The following FTO variants were observed in gnomAD, a reference collection of about 807,000 sequenced individuals.
FTO encodes the protein alpha-ketoglutarate-dependent dioxygenase FTO.
A neutral mutation model predicts 63.9 loss-of-function variants in FTO; 47 were observed. The observed-to-expected ratio is 0.74, with a 90% CI of 0.58 to 0.94. FTO has a LOEUF of 0.94. Among genes scored for constraint, FTO ranks in the 40% least tolerant of loss-of-function variants. The pLI, the probability that FTO is intolerant of heterozygous loss-of-function variation, is 0.00. For missense variants in FTO, 562 were observed against 618.1 expected (o/e 0.91, Z 0.96); for synonymous variants, 207 against 224.4 (o/e 0.92, Z 0.69).
At chr16:53,861,116 A>T (rs760150278) in intron 4 of FTO, among the ~76,000 whole-genome samples, 52 of 152,318 alleles carry the variant, frequency 3.4e-4, no homozygotes, top group Non-Finnish European at 4.9e-4. Context: ...GATATTATAT[A>T]TATTGCTACA....
intron 6 of FTO, among the ~76,000 whole-genome samples, chr16:53,883,488 G>T (rs1411121692): frequency 1.3e-5 from 2 of 152,040 alleles, no homozygotes; most frequent in African/African-American, 4.8e-5. Context: ...CAGGTGTGGT[G>T]GCGGGCGCCT....
rs773334047 is a variant in FTO at position 53,934,026 on chromosome 16, C to T, written c.1281C>T (p.Pro427=). 2 of 1,613,946 alleles carry T rather than the reference C, an allele frequency of 1.2e-6. No homozygotes were observed. Among genetic ancestry groups the T allele is most frequent in the East Asian group, 2.2e-5 (1 of 44,876 alleles). The part of the protein sequence containing the change: ...VLHEVKREGL[P]VEQRNEILTA... ...ATGAAGTTAAAAGAGAGGGGCTCCC[C>T]GTGGAACAAAGGAATGAAATCTTGA... The change falls in exon 8 of 9, where the codon CCC becomes CCT. Residue 427 remains proline (P), a synonymous_variant. Transcript: ENST00000471389.
At chr16:53,988,344 A>T (rs1048150327) in intron 8 of FTO, among the ~76,000 whole-genome samples, 16 of 152,198 alleles carry the variant, frequency 1.1e-4, no homozygotes, top group Non-Finnish European at 2.2e-4. Flanking sequence ...CCAAGACAAT[A>T]AGAAGCCAGG....
At chr16:53,740,392 A>G (rs2076505246) in intron 1 of FTO, among the ~76,000 whole-genome samples, 2 of 152,210 alleles carry the variant, frequency 1.3e-5, no homozygotes, top group Non-Finnish European at 2.9e-5. Context: ...AGAATTTTCT[A>G]ACTTGTATCT....
At chr16:53,745,537 A>G (rs1231860703) in intron 1 of FTO, among the ~76,000 whole-genome samples, 1 of 152,228 alleles carries the variant, frequency 6.6e-6, no homozygotes, top group Non-Finnish European at 1.5e-5. Flanking sequence ...AGAAATGTTT[A>G]TTGAGCACCT....
At chr16:53,834,722 C>T (rs1476063558) in intron 3 of FTO, among the ~76,000 whole-genome samples, 2 of 152,118 alleles carry the variant, frequency 1.3e-5, no homozygotes, top group Middle Eastern at 3.2e-3. Context: ...GGAGTTTTTA[C>T]ACCTTTTCTT....
chr16:53,944,224 C>T (rs1216276546), intron 8 of FTO, among the ~76,000 whole-genome samples: 1 of 152,284 alleles, frequency 6.6e-6, no homozygotes, highest in African/African-American at 2.4e-5. Flanking sequence ...AAATGTATTA[C>T]ACAATGTAGA....
At chr16:53,759,736 G>A (rs2077009184) in intron 1 of FTO, among the ~76,000 whole-genome samples, 1 of 150,706 alleles carries the variant, frequency 6.6e-6, no homozygotes, top group South Asian at 2.1e-4. Flanking sequence ...AATAATACAG[G>A]GTCATTTCCT....
At chr16:54,052,372 G>A (rs1567541334) in intron 8 of FTO, among the ~76,000 whole-genome samples, 1 of 152,118 alleles carries the variant, frequency 6.6e-6, no homozygotes. Flanking sequence ...AATTTGTATG[G>A]TTTTCTTTTC....
chr16:53,895,157 A>G (rs532373942), intron 7 of FTO, among the ~76,000 whole-genome samples: 6 of 152,232 alleles, frequency 3.9e-5, no homozygotes, highest in African/African-American at 1.2e-4. Flanking sequence ...AAAGTAAAAC[A>G]TCTGGGGAGA....
At chr16:53,936,665 C>CA (rs2082398066) in intron 8 of FTO, among the ~76,000 whole-genome samples, 3 of 152,180 alleles carry the variant, frequency 2.0e-5, no homozygotes, top group Non-Finnish European at 4.4e-5. Context: ...AATTAGCACT[C>CA]ACCAAAGGCC....
intron 2 of FTO, among the ~76,000 whole-genome samples, chr16:53,812,511 G>T (rs1273355105): frequency 6.6e-6 from 1 of 152,156 alleles, no homozygotes; most frequent in Non-Finnish European, 1.5e-5. Context: ...ATCACATCTG[G>T]CATTAATCTC....
chr16:54,098,445 CAGT>C (rs1470418368), intron 8 of FTO, among the ~76,000 whole-genome samples: 6 of 152,314 alleles, frequency 3.9e-5, no homozygotes, highest in African/African-American at 1.4e-4. Flanking sequence ...CTAAAAACAG[CAGT>C]TCAGTGGCAG....
rs2076673712 is a variant in FTO at position 53,747,344 on chromosome 16, AC to A, written c.45+43116del. ...GGGGTTCCCTTTTCTCAACATCCTCACTAAAACTTATTTTTATCTCTTTGAC... is the reference window on the plus strand; with the variant it reads ...GGGGTTCCCTTTTCTCAACATCCTCATAAAACTTATTTTTATCTCTTTGAC... On this transcript the variant is annotated intron_variant, in intron 1 of 8. Coordinates refer to ENST00000471389, the MANE Select transcript of FTO (RefSeq NM_001080432.3). Among the ~76,000 whole-genome samples the A allele has an allele frequency of 2.0e-5, 3 of 152,096 alleles. No individual in the cohort carries two copies. In the South Asian group the frequency reaches 6.2e-4, roughly 32 times the overall value.
At chr16:53,988,197 T>G (rs2083717829) in intron 8 of FTO, among the ~76,000 whole-genome samples, 1 of 152,242 alleles carries the variant, frequency 6.6e-6, no homozygotes, top group African/African-American at 2.4e-5. Flanking sequence ...TGCAGTCATT[T>G]TTAATGGTGG....
intron 7 of FTO, among the ~76,000 whole-genome samples, chr16:53,906,847 G>T (rs145010893): frequency 1.3e-5 from 2 of 152,088 alleles, no homozygotes; most frequent in African/African-American, 4.8e-5. Flanking sequence ...CCACATCCAG[G>T]TCTTCATGCC....
At chr16:53,971,365 G>A (rs1020294115) in intron 8 of FTO, among the ~76,000 whole-genome samples, 17 of 152,186 alleles carry the variant, frequency 1.1e-4, no homozygotes, top group African/African-American at 3.9e-4. Context: ...CTTTCCAAAA[G>A]CGTTGCACCA....
chr16:53,926,037 A>G (rs1381081378), intron 7 of FTO, among the ~76,000 whole-genome samples: 1 of 152,102 alleles, frequency 6.6e-6, no homozygotes. Context: ...ACTCTGGGAA[A>G]TTCTTAGGGG....
intron 1 of FTO, among the ~76,000 whole-genome samples, chr16:53,757,113 A>T (rs1214778451): frequency 6.6e-6 from 1 of 152,176 alleles, no homozygotes; most frequent in Non-Finnish European, 1.5e-5. Flanking sequence ...TAAAAATACG[A>T]CAAAAATTTT....
Sources: allele counts gnomAD v4.1 joint callset (sites outside exome capture counted in the v4.1 genomes callset), GRCh38; gene constraint gnomAD v4.1.1; transcripts MANE v1.5; gene names NCBI Gene and HGNC (gene_info 2026-07-23, HGNC 2026-07-21).